Variants in CDK6 observed in about 807,000 individuals in gnomAD.
CDK6 encodes the protein cyclin dependent kinase 6.
CDK6 carries 6 observed loss-of-function variants against 37.1 expected under a neutral mutation model. The ratio of observed to expected loss-of-function variants is 0.16; its 90% CI spans 0.09 to 0.32. The LOEUF is 0.32. Among genes scored for constraint, CDK6 ranks in the 10% least tolerant of loss-of-function variants. CDK6 has a pLI of 1.00. For missense variants in CDK6, 224 were observed against 418.9 expected, an observed-to-expected ratio of 0.53 and a Z score of 4.06; for synonymous variants, 160 against 161.3, an observed-to-expected ratio of 0.99 and a Z score of 0.06.
chr7:92,833,505 A>G lies in CDK6; in HGVS notation c.-182T>C. 1.9e-6 allele frequency: 1 copy of G among 530,538 alleles called. No homozygotes were observed. Among genetic ancestry groups the G allele is most frequent in the Non-Finnish European group, 3.3e-6 (1 of 306,786 alleles). 32.9% of individuals were successfully genotyped at this position (530,538 alleles called of 1,614,324 possible). On this transcript the variant is annotated 5_prime_UTR_variant, in exon 2 of 8. Transcript: ENST00000424848. This position sits in a 1 kb window ranked among gnomAD's most constrained non-coding sequence, Gnocchi z 6.1. ...GCCGCTGCAGAAGCTGGATGGAGAG[A>G]CCTCCCCGCGGGGCTGGCGTAACCC...
chr7:92,629,993 C>A (rs1235070548), intron 5 of CDK6, among the ~76,000 whole-genome samples: 1 of 152,030 alleles, frequency 6.6e-6, no homozygotes, highest in South Asian at 2.1e-4. Context: ...ATCCTCATGA[C>A]CTCATTTAAT....
Position 92,610,145 on chromosome 7 carries a change from G to T in CDK6, c.*4995C>A, listed in dbSNP as rs1382073115. 4 of 231,376 alleles carry T rather than the reference G, an allele frequency of 1.7e-5. No individual in the cohort carries two copies. Among genetic ancestry groups the T allele is most frequent in the Non-Finnish European group, 2.6e-5 (3 of 116,950 alleles). The allele number at this position is 231,376 out of a possible 1,614,324, so 14.3% of individuals were successfully genotyped here. ...GAAAGCTCATCTCTTAGGACAGTGT[G>T]AATGTTTAGAAAGACTTTTGCAAGA... On this transcript the variant is annotated 3_prime_UTR_variant, in exon 8 of 8. Transcript: ENST00000424848.
chr7:92,714,875 CA>C (rs1483296999), intron 4 of CDK6, among the ~76,000 whole-genome samples: 2 of 151,938 alleles, frequency 1.3e-5, no homozygotes, highest in Non-Finnish European at 1.5e-5. Context: ...GACTTTGGCC[CA>C]TTTAACAAGG....
At chr7:92,713,339 A>G (rs1476888162) in intron 4 of CDK6, among the ~76,000 whole-genome samples, 3 of 152,198 alleles carry the variant, frequency 2.0e-5, no homozygotes, top group Admixed American at 1.3e-4. Context: ...TTTTAAATGC[A>G]TAGGCAGCTT....
intron 2 of CDK6, among the ~76,000 whole-genome samples, chr7:92,779,042 T>C (rs1430280130): frequency 1.3e-5 from 2 of 151,618 alleles, no homozygotes; most frequent in East Asian, 3.9e-4. Flanking sequence ...CAAAAAGTCA[T>C]CTGCCCCCTG....
rs1801570086 is a variant in CDK6 at position 92,833,850 on chromosome 7, TC to T, written c.-367-161del. ...CCCAAGCCGCTTAATCCTTCCTGGT[TC>T]CTCCGAGAAAAGCGAAGTTACTTTT... On this transcript the variant is annotated intron_variant, in intron 1 of 7. Transcript: ENST00000424848. The surrounding 1 kb of genome is among the most constrained non-coding windows in gnomAD (Gnocchi z 6.1). The T allele has an allele frequency of 5.0e-6, 2 of 398,588 alleles. No homozygotes were observed. The highest frequency in any genetic ancestry group is 8.8e-5 in the Admixed American group (2 of 22,682). 24.7% of individuals were successfully genotyped at this position (398,588 alleles called of 1,614,324 possible).
intron 4 of CDK6, among the ~76,000 whole-genome samples, chr7:92,691,554 C>A (rs894254374): frequency 6.6e-6 from 1 of 151,986 alleles, no homozygotes; most frequent in African/African-American, 2.4e-5. Flanking sequence ...GATTTTTGGG[C>A]AATTTTATTA....
At chr7:92,641,770 CT>C (rs1323243507) in intron 5 of CDK6, among the ~76,000 whole-genome samples, 1 of 152,112 alleles carries the variant, frequency 6.6e-6, no homozygotes, top group African/African-American at 2.4e-5. Flanking sequence ...AGGATAGCAC[CT>C]GTCTTACAAA....
intron 2 of CDK6, among the ~76,000 whole-genome samples, chr7:92,826,579 T>C (rs1801318441): frequency 1.3e-5 from 2 of 152,160 alleles, no homozygotes; most frequent in South Asian, 2.1e-4. Context: ...CATCTGTCTG[T>C]AGGATACATG....
rs78065312 is a variant in CDK6 at position 92,835,464 on chromosome 7, C to G, written c.-368+1014G>C. Among the ~76,000 whole-genome samples the G allele has an allele frequency of 0.012, 1,830 of 152,214 alleles. 151 individuals carry two copies. In the East Asian group the frequency reaches 0.22, roughly 18 times the overall value. On this transcript the variant is annotated intron_variant, in intron 1 of 7. Coordinates refer to ENST00000424848, the MANE Select transcript of CDK6 (RefSeq NM_001145306.2). The surrounding 1 kb of genome is among the most constrained non-coding windows in gnomAD (Gnocchi z 4.2). ...CGGGAGCAGCAATGCCTTTTCCCCC[C>G]CTCTCCTCCACTTTTTTTTGTTGTT...
chr7:92,772,830 G>C (rs113011167), intron 3 of CDK6, among the ~76,000 whole-genome samples: 15 of 152,174 alleles, frequency 9.9e-5, no homozygotes, highest in African/African-American at 3.6e-4. Context: ...AGATGCCTTT[G>C]CAAATGATTC....
intron 3 of CDK6, among the ~76,000 whole-genome samples, chr7:92,774,295 T>C (rs1017794244): frequency 3.9e-5 from 6 of 152,216 alleles, no homozygotes; most frequent in Admixed American, 1.3e-4. Context: ...AATCATAATA[T>C]ACAATGTGCT....
chr7:92,762,031 T>C (rs1342597956), intron 3 of CDK6, among the ~76,000 whole-genome samples: 1 of 152,188 alleles, frequency 6.6e-6, no homozygotes, highest in African/African-American at 2.4e-5. Flanking sequence ...CCTTCTGTGG[T>C]GTTTATTTCA....
Position 92,689,143 on chromosome 7 carries a change from C to G in CDK6, c.538-17608G>C, listed in dbSNP as rs550963010. On this transcript the variant is annotated intron_variant, in intron 4 of 7. Coordinates refer to ENST00000424848, the MANE Select transcript of CDK6 (RefSeq NM_001145306.2). ...TTCTTGCCCTTACAAGGCTCATAGGCTTTACAGGTAAACGTGCGTCACAGG... is the reference window on the plus strand; with the variant it reads ...TTCTTGCCCTTACAAGGCTCATAGGGTTTACAGGTAAACGTGCGTCACAGG... Among the ~76,000 whole-genome samples, 3 of 152,176 alleles carry G rather than the reference C, an allele frequency of 2.0e-5. No individual in the cohort carries two copies. The South Asian group carries it at 6.2e-4, about 32-fold the overall frequency.
chr7:92,678,938 A>G (rs1296150505), intron 4 of CDK6, among the ~76,000 whole-genome samples: 1 of 152,204 alleles, frequency 6.6e-6, no homozygotes, highest in Non-Finnish European at 1.5e-5. Context: ...CACAAAGTCA[A>G]TGTCCATCTC....
chr7:92,648,097 G>A (rs1796491295), intron 5 of CDK6, among the ~76,000 whole-genome samples: 1 of 152,122 alleles, frequency 6.6e-6, no homozygotes, highest in South Asian at 2.1e-4. Context: ...GTGTGTGTGT[G>A]GGTATGTGTG....
At chr7:92,665,333 T>C (rs991030108) in intron 5 of CDK6, among the ~76,000 whole-genome samples, 12 of 152,148 alleles carry the variant, frequency 7.9e-5, no homozygotes, top group African/African-American at 2.7e-4. Flanking sequence ...AGCTGACTAG[T>C]TGGCCACTAA....
intron 4 of CDK6, 174 bp downstream of exon 4, chr7:92,725,452 T>G: frequency 1.5e-6 from 1 of 685,960 alleles, no homozygotes; most frequent in Non-Finnish European, 1.8e-6. Context: ...GATGTGACTG[T>G]AGCTGTAAGC....
rs1351889223 is a variant in CDK6, at chr7:92,607,140, C to G, written c.*8000G>C. ...AGCCTCAAGGCACAAGCTGACAGTT[C>G]TGCTTCTACAGAAAAACTCTCACAC... is the stretch of plus-strand genomic sequence containing the variant. On this transcript the variant is annotated 3_prime_UTR_variant, in exon 8 of 8. Coordinates refer to ENST00000424848, the MANE Select transcript of CDK6 (RefSeq NM_001145306.2). 1.3e-5 allele frequency: 3 copies of G among 233,636 alleles called. No homozygotes were observed. Among genetic ancestry groups the G allele is most frequent in the Non-Finnish European group, 2.5e-5 (3 of 118,018 alleles). 14.5% of individuals were successfully genotyped at this position (233,636 alleles called of 1,614,324 possible).
Sources: gnomAD v4.1 joint callset for allele counts (sites outside exome capture counted in the v4.1 genomes callset) on GRCh38, gnomAD v4.1.1 for gene constraint, Gnocchi (gnomAD v3.1) non-coding constraint, MANE v1.5 for transcripts, NCBI Gene and HGNC (gene_info 2026-07-23, HGNC 2026-07-21) for gene names.